The following COL25A1 variants were observed in gnomAD, a reference collection of about 807,000 sequenced individuals.
The protein encoded by COL25A1 is collagen type XXV alpha 1 chain, also known as collagen alpha-1(XXV) chain.
A neutral mutation model predicts 128.4 loss-of-function variants in COL25A1; 103 were observed. That is an observed-to-expected ratio of 0.80 (90% CI 0.68 to 0.94). The LOEUF (loss-of-function observed/expected upper bound fraction) is 0.94. COL25A1 is among the 40% of genes least tolerant of loss of function. COL25A1 has a pLI of 0.00. For synonymous variants in COL25A1, 279 were observed against 277.2 expected (o/e 1.01, Z -0.06); for missense variants, 745 against 840.0 (o/e 0.89, Z 1.40).
chr4:108,836,049 T>G (rs1212057265), intron 31 of COL25A1, among the ~76,000 whole-genome samples: 1 of 151,446 alleles, frequency 6.6e-6, no homozygotes, highest in Non-Finnish European at 1.5e-5. Flanking sequence ...TTTTTTGTAT[T>G]TTTAATCGAG....
intron 3 of COL25A1, among the ~76,000 whole-genome samples, chr4:109,287,671 A>G (rs1018855994): frequency 6.6e-6 from 1 of 152,178 alleles, no homozygotes; most frequent in Non-Finnish European, 1.5e-5. Flanking sequence ...CTATTCTGAC[A>G]TACTTTCTTC....
chr4:109,103,691 A>G (rs757422619), intron 3 of COL25A1, among the ~76,000 whole-genome samples: 1 of 152,216 alleles, frequency 6.6e-6, no homozygotes, highest in Non-Finnish European at 1.5e-5. Context: ...TTTAAAATGG[A>G]AAATGAACAA....
intron 3 of COL25A1, among the ~76,000 whole-genome samples, chr4:109,183,298 G>A (rs1282705743): frequency 1.3e-5 from 2 of 151,740 alleles, no homozygotes; most frequent in African/African-American, 4.8e-5. Context: ...CTACAAAGGA[G>A]AAAAAAGAGA....
intron 3 of COL25A1, among the ~76,000 whole-genome samples, chr4:109,136,968 A>G (rs1769838816): frequency 6.6e-6 from 1 of 152,230 alleles, no homozygotes; most frequent in African/African-American, 2.4e-5. Context: ...GCTTCGAAGC[A>G]GATTTTCCCT....
chr4:108,811,805 A>C lies in COL25A1; in HGVS notation c.*2122T>G, dbSNP rs1483943203. On this transcript the variant is annotated 3_prime_UTR_variant, in exon 38 of 38. Transcript: ENST00000399132. ...ACCAATTAGACTGATCTAATAGTTT[A>C]AACATCTTTCAACCTTAAAAATTTA... 6.6e-6 allele frequency: 1 copy of C among 152,214 alleles called. No individual in the cohort carries two copies. The highest frequency in any genetic ancestry group is 2.4e-5 in the African/African-American group (1 of 41,464). 9.4% of individuals were successfully genotyped at this position (152,214 alleles called of 1,614,324 possible).
intron 3 of COL25A1, among the ~76,000 whole-genome samples, chr4:109,113,837 C>T (rs1279200846): frequency 6.6e-6 from 1 of 152,068 alleles, no homozygotes; most frequent in Non-Finnish European, 1.5e-5. Context: ...ACTTAGAATA[C>T]AAATCCTAGC....
At chr4:109,001,392 A>AGGTAGGCATCTGAGATCCTGTCC (rs1755370987) in intron 6 of COL25A1, among the ~76,000 whole-genome samples, 2 of 152,186 alleles carry the variant, frequency 1.3e-5, no homozygotes, top group African/African-American at 2.4e-5. Flanking sequence ...AGATCCTGTC[A>AGGTAGGCATCTGAGATCCTGTCC]GGTAGGCATC....
intron 3 of COL25A1, among the ~76,000 whole-genome samples, chr4:109,217,453 A>G (rs772311879): frequency 3.9e-5 from 6 of 152,146 alleles, no homozygotes; most frequent in Non-Finnish European, 7.4e-5. Flanking sequence ...TCTTTTATAG[A>G]TAAGTCTTTT....
chr4:109,148,826 A>G (rs1477532124), intron 3 of COL25A1, among the ~76,000 whole-genome samples: 1 of 152,040 alleles, frequency 6.6e-6, no homozygotes, highest in African/African-American at 2.4e-5. Flanking sequence ...GTAGCTGCCC[A>G]GCCTTCTCAC....
chr4:108,969,239 G>T (rs999624825), intron 8 of COL25A1, among the ~76,000 whole-genome samples: 3 of 152,104 alleles, frequency 2.0e-5, no homozygotes, highest in Non-Finnish European at 4.4e-5. Context: ...CCAGCTTTTG[G>T]ATGACTGTGT....
intron 8 of COL25A1, among the ~76,000 whole-genome samples, chr4:108,972,435 T>C (rs1205295426): frequency 6.6e-6 from 1 of 152,200 alleles, no homozygotes; most frequent in Non-Finnish European, 1.5e-5. Context: ...CTTGATATGA[T>C]CAATTTCCTA....
At chr4:108,968,223 T>C (rs542783309) in intron 8 of COL25A1, among the ~76,000 whole-genome samples, 22 of 152,310 alleles carry the variant, frequency 1.4e-4, no homozygotes, top group African/African-American at 5.1e-4. Flanking sequence ...ATTGGTTCAA[T>C]GTATACTGAA....
chr4:109,106,789 G>A (rs1032876861), intron 3 of COL25A1, among the ~76,000 whole-genome samples: 1 of 150,056 alleles, frequency 6.7e-6, no homozygotes, highest in Non-Finnish European at 1.5e-5. Context: ...GTGGGAGGGG[G>A]CAGGGTCTCG....
At chr4:109,139,948 T>C (rs1770228879) in intron 3 of COL25A1, among the ~76,000 whole-genome samples, 1 of 152,012 alleles carries the variant, frequency 6.6e-6, no homozygotes, top group South Asian at 2.1e-4. Context: ...CTTGTGATAG[T>C]TTGCCGAGAA....
At chr4:109,000,148 A>T (rs1755206269) in intron 6 of COL25A1, among the ~76,000 whole-genome samples, 1 of 152,146 alleles carries the variant, frequency 6.6e-6, no homozygotes, top group Admixed American at 6.5e-5. Flanking sequence ...AAAAGAGAGA[A>T]AGGAAAAAAG....
chr4:109,059,145 C>G (rs185356903), intron 3 of COL25A1, among the ~76,000 whole-genome samples: 5 of 152,310 alleles, frequency 3.3e-5, no homozygotes, highest in Non-Finnish European at 5.9e-5. Context: ...ATGATGATGA[C>G]TAATATTTAT....
chr4:109,119,548 T>C (rs1439397985), intron 3 of COL25A1, among the ~76,000 whole-genome samples: 1 of 152,030 alleles, frequency 6.6e-6, no homozygotes, highest in East Asian at 1.9e-4. Context: ...TGAACAGCTC[T>C]ATGCCCATAG....
rs147156491 is a variant in COL25A1, at chr4:108,842,864, A to G, written c.1630-1143T>C. 5.6e-3 allele frequency among the ~76,000 whole-genome samples: 855 copies of G among 152,262 alleles called. 3 individuals are homozygous for G. The highest frequency in any genetic ancestry group is 0.024 in the Middle Eastern group (7 of 294). On this transcript the variant is annotated intron_variant, in intron 30 of 37. Coordinates refer to ENST00000399132, the MANE Select transcript of COL25A1 (RefSeq NM_198721.4). ...TCCAGTTTTAAGAAAATAAGGTCAC[A>G]CTGGGCGAGGTGGCTCACATCTGTA...
At chr4:109,043,479 G>A (rs535119664) in intron 5 of COL25A1, among the ~76,000 whole-genome samples, 11 of 152,034 alleles carry the variant, frequency 7.2e-5, no homozygotes, top group African/African-American at 2.2e-4. Context: ...CAACAGAGTC[G>A]TATTTCACAC....
Sources: allele counts gnomAD v4.1 joint callset (sites outside exome capture counted in the v4.1 genomes callset), GRCh38; gene constraint gnomAD v4.1.1; transcripts MANE v1.5; gene names NCBI Gene and HGNC (gene_info 2026-07-23, HGNC 2026-07-21).